The following LYSMD4 variants were observed in gnomAD, a reference collection of about 807,000 sequenced individuals.
LYSMD4 encodes the protein lysM and putative peptidoglycan-binding domain-containing protein 4.
Under a neutral mutation model 6.1 loss-of-function variants are expected in LYSMD4, and 9 were observed. That is an observed-to-expected ratio of 1.47 (90% CI 0.88 to 2.56). LYSMD4 has a LOEUF of 2.56. Ranked by LOEUF, LYSMD4 falls within the 30% of genes most tolerant of loss-of-function variation. The pLI is 0.00. For missense variants in LYSMD4, 384 were observed against 373.5 expected, an observed-to-expected ratio of 1.03 and a Z score of -0.23; for synonymous variants, 143 against 148.5, an observed-to-expected ratio of 0.96 and a Z score of 0.27.
chr15:99,732,711 G>C (rs993582430), intron 1 of LYSMD4, among the ~76,000 whole-genome samples: 7 of 152,230 alleles, frequency 4.6e-5, no homozygotes, highest in Admixed American at 1.3e-4. Context: ...TGAGATTCCA[G>C]AAACGAAATC....
At position 99,733,345 on chromosome 15, in the gene LYSMD4, C is replaced by G. The variant is rs936569627; in HGVS notation, c.-9G>C. On this transcript the variant is annotated splice_region_variant and 5_prime_UTR_variant, in exon 1 of 3. Coordinates refer to ENST00000684762, the MANE Select transcript of LYSMD4 (RefSeq NM_001284417.2). ...GGCCCCCTCGTCCAGGCCCCGGTAC[C>G]TCAGCGCCCAGGCTCCGCCGCGACC... The G allele has an allele frequency of 5.1e-6, 2 of 393,848 alleles. No individual in the cohort carries two copies. The highest frequency in any genetic ancestry group is 4.5e-6 in the Non-Finnish European group (1 of 222,958). The allele number at this position is 393,848 out of a possible 1,614,324, so 24.4% of individuals were successfully genotyped here.
downstream of LYSMD4, among the ~76,000 whole-genome samples, chr15:99,726,168 T>TTTTTC (rs60862713): frequency 6.8e-5 from 10 of 146,248 alleles, no homozygotes; most frequent in African/African-American, 1.5e-4. Context: ...TTTTTTTTTT[T>TTTTTC]CCCGCCTGAG....
chr15:99,721,909 T>C (rs574477228), upstream of LYSMD4, among the ~76,000 whole-genome samples: 12 of 152,092 alleles, frequency 7.9e-5, no homozygotes, highest in South Asian at 2.1e-4. Flanking sequence ...TTGCAAACCA[T>C]AGGACAGAGC....
upstream of LYSMD4, among the ~76,000 whole-genome samples, chr15:99,722,297 C>T (rs149832416): frequency 8.1e-4 from 123 of 152,202 alleles, 2 homozygotes; most frequent in East Asian, 0.02. Context: ...TGAAAAAATC[C>T]TCAGAAGGCC....
At chr15:99,724,284 A>G (rs2123927), downstream of LYSMD4, among the ~76,000 whole-genome samples, 86,227 of 147,024 alleles carry the variant, frequency 0.59, 26,140 homozygotes, top group Middle Eastern at 0.69. Flanking sequence ...CTCCTGAGAC[A>G]GGGTTTGGCT....
chr15:99,731,808 G>C lies in LYSMD4; in HGVS notation c.192C>G (p.Pro64=). ...ERHKSGVHQP[P]QAGAGDVVLL... ...GCACCACGTCACCTGCTCCCGCCTG[G>C]GGAGGCTGGTGGACACCGCTCTTGT... Residue 64 remains proline (P), a synonymous_variant, in exon 2 of 3, where the codon CCC becomes CCG. Coordinates refer to ENST00000684762, the MANE Select transcript of LYSMD4 (RefSeq NM_001284417.2). 1 of 1,612,542 alleles carries C rather than the reference G, an allele frequency of 6.2e-7. No individual in the cohort carries two copies. Among genetic ancestry groups the C allele is most frequent in the Non-Finnish European group, 8.5e-7 (1 of 1,180,008 alleles).
At chr15:99,715,713 G>T (rs1184589820) in exon 1 of LYSMD4, 2 of 152,118 alleles carry the variant, frequency 1.3e-5, no homozygotes, top group African/African-American at 4.8e-5. Context: ...CCCTCCAGAA[G>T]TATTTTATTA....
In LYSMD4 at chr15:99,729,155, G is replaced by T. The variant is rs1393657414; in HGVS notation, c.859C>A (p.Gln287Lys). Residue 287 changes from glutamine (Q) to lysine (K), a missense_variant, in exon 3 of 3, where the codon CAG becomes AAG. Transcript: ENST00000684762. The stretch of plus-strand genomic sequence containing the variant: ...CCCGCTTGGGTGGTCTGACTGAACT[G>T]GCTGTCTGCAGAAGTGACGGCTGGC... ...AVPAVTSADS[Q>K]FSQTTQAGS 1 of 1,614,120 alleles carries T rather than the reference G, an allele frequency of 6.2e-7. No individual in the cohort carries two copies. Among genetic ancestry groups the T allele is most frequent in the South Asian group, 1.1e-5 (1 of 91,086 alleles).
chr15:99,721,252 A>G (rs911864593), upstream of LYSMD4, among the ~76,000 whole-genome samples: 2 of 152,214 alleles, frequency 1.3e-5, no homozygotes, highest in South Asian at 2.1e-4. Context: ...AGATGATGCA[A>G]CAAGGAAATG....
chr15:99,731,612 T>C (rs1403972829), intron 2 of LYSMD4, 106 bp downstream of exon 2: 5 of 1,523,192 alleles, frequency 3.3e-6, no homozygotes, highest in Non-Finnish European at 3.5e-6. Context: ...AGGCCTCTCC[T>C]GACGGCCTGG....
At chr15:99,726,692 A>G (rs897351543), downstream of LYSMD4, among the ~76,000 whole-genome samples, 1 of 152,148 alleles carries the variant, frequency 6.6e-6, no homozygotes, top group African/African-American at 2.4e-5. Context: ...TTGCTTGACA[A>G]TGGAGATTCC....
At chr15:99,726,419 C>T (rs552216771), downstream of LYSMD4, among the ~76,000 whole-genome samples, 1 of 152,288 alleles carries the variant, frequency 6.6e-6, no homozygotes, top group East Asian at 1.9e-4. Flanking sequence ...GCTGGGACTA[C>T]AGGCATGAGC....
chr15:99,721,329 G>A (rs1217710095), upstream of LYSMD4, among the ~76,000 whole-genome samples: 1 of 152,172 alleles, frequency 6.6e-6, no homozygotes, highest in East Asian at 1.9e-4. Context: ...GGAGGGAGGA[G>A]CACTGATCTC....
downstream of LYSMD4, among the ~76,000 whole-genome samples, chr15:99,726,222 C>A (rs2059281057): frequency 7.0e-6 from 1 of 142,280 alleles, no homozygotes; most frequent in Non-Finnish European, 1.5e-5. Context: ...CGGCTCACTG[C>A]AACCTCTGCC....
rs1406959910 is a variant in LYSMD4, at chr15:99,728,954, G to C, written c.*169C>G. 2 of 916,282 alleles carry C rather than the reference G, an allele frequency of 2.2e-6. No individual in the cohort carries two copies. Among genetic ancestry groups the C allele is most frequent in the Non-Finnish European group, 3.3e-6 (2 of 600,666 alleles). 56.8% of individuals were successfully genotyped at this position (916,282 alleles called of 1,614,324 possible). ...TTTTAGATCCTGCCAGCTTAGACTGGGTAAGGCCATGCCCAGGGCCAGTGC... is the reference window on the plus strand; with the variant it reads ...TTTTAGATCCTGCCAGCTTAGACTGCGTAAGGCCATGCCCAGGGCCAGTGC... On this transcript the variant is annotated 3_prime_UTR_variant, in exon 3 of 3. Transcript: ENST00000684762.
chr15:99,719,034 G>A (rs764717193), upstream of LYSMD4, among the ~76,000 whole-genome samples: 3 of 152,184 alleles, frequency 2.0e-5, no homozygotes, highest in Non-Finnish European at 4.4e-5. Context: ...CCTGTGGTGG[G>A]GAACCCAGCT....
chr15:99,722,551 T>G (rs200342410), downstream of LYSMD4, among the ~76,000 whole-genome samples: 3 of 152,082 alleles, frequency 2.0e-5, no homozygotes, highest in African/African-American at 7.2e-5. Flanking sequence ...CAATCTATAA[T>G]GGGAGGCAGA....
chr15:99,731,063 T>C, intron 2 of LYSMD4: 4 of 975,188 alleles, frequency 4.1e-6, no homozygotes, highest in South Asian at 1.5e-5. Context: ...ATTAAGTAGC[T>C]TATATACCCC....
chr15:99,731,307 A>C, intron 2 of LYSMD4: 3 of 1,600,808 alleles, frequency 1.9e-6, no homozygotes, highest in Non-Finnish European at 2.6e-6. Context: ...CAAGTAAGCT[A>C]CCACCAAGAA....
Sources: allele counts gnomAD v4.1 joint callset (sites outside exome capture counted in the v4.1 genomes callset), GRCh38; gene constraint gnomAD v4.1.1; transcripts MANE v1.5; gene names NCBI Gene and HGNC (gene_info 2026-07-23, HGNC 2026-07-21).